Variants in CACNA1C observed in about 807,000 individuals in gnomAD.
CACNA1C encodes voltage-dependent L-type calcium channel subunit alpha-1C.
Under a neutral mutation model 229.0 loss-of-function variants are expected in CACNA1C, and 30 were observed. The observed-to-expected ratio is 0.13, with a 90% CI of 0.10 to 0.18. The LOEUF is 0.18. CACNA1C is among the 10% of genes least tolerant of loss of function. CACNA1C has a pLI of 1.00. For synonymous variants in CACNA1C, 1,114 were observed against 1,132.5 expected (o/e 0.98, Z 0.33); for missense variants, 1,658 against 2,845.0 (o/e 0.58, Z 9.49).
At chr12:2,435,756 C>T (rs1270112030) in intron 3 of CACNA1C, among the ~76,000 whole-genome samples, 1 of 152,200 alleles carries the variant, frequency 6.6e-6, no homozygotes, top group Non-Finnish European at 1.5e-5. Context: ...CCTCTAGTGC[C>T]CGGCACTATA....
chr12:2,302,660 T>C (rs1461648817), intron 3 of CACNA1C, among the ~76,000 whole-genome samples: 2 of 152,158 alleles, frequency 1.3e-5, no homozygotes, highest in African/African-American at 4.8e-5. Context: ...ATGTGCCCTG[T>C]CCTTAGAGGG....
rs1298438920 is a variant in CACNA1C at position 2,677,886 on chromosome 12, C to A, written c.5091+19C>A. On this transcript the variant is annotated intron_variant, in intron 41 of 46. Transcript: ENST00000399655. The surrounding 1 kb of genome is among the most constrained non-coding windows in gnomAD (Gnocchi z 7.4). The stretch of plus-strand genomic sequence containing the variant: ...CTTCAGGGTGGGTGGTGCCATGGCG[C>A]ACTCTCGACCCCTATAAAGTTCAGT... The A allele has an allele frequency of 6.2e-7, 1 of 1,613,436 alleles. No individual in the cohort carries two copies. The highest frequency in any genetic ancestry group is 1.3e-5 in the African/African-American group (1 of 75,040).
rs575282140 is a variant in CACNA1C, at chr12:2,029,545, T to G, written c.139+58344T>G. ...CACTAGGTGAACTTTAGTGTCTGGCTTCTTTCACTTAGCATAATGTTTTCG... is the reference window on the plus strand; with the variant it reads ...CACTAGGTGAACTTTAGTGTCTGGCGTCTTTCACTTAGCATAATGTTTTCG... On this transcript the variant is annotated intron_variant, in intron 1 of 46. Transcript: ENST00000682462. The surrounding 1 kb of genome is among the most constrained non-coding windows in gnomAD (Gnocchi z 4.9). Among the ~76,000 whole-genome samples the G allele has an allele frequency of 6.6e-5, 10 of 152,370 alleles. No homozygotes were observed. In the East Asian group the frequency reaches 1.9e-3, roughly 29 times the overall value.
At chr12:2,147,929 G>A (rs569489426) in intron 3 of CACNA1C, among the ~76,000 whole-genome samples, 1 of 151,328 alleles carries the variant, frequency 6.6e-6, no homozygotes, top group South Asian at 2.1e-4. Flanking sequence ...TATGCCATCA[G>A]TACATCTGGT....
chr12:2,257,296 G>A (rs1432474269), intron 3 of CACNA1C, among the ~76,000 whole-genome samples: 4 of 152,164 alleles, frequency 2.6e-5, no homozygotes, highest in South Asian at 2.1e-4. Flanking sequence ...CCTGGAGGAC[G>A]GGACCAGGCT....
rs183831974 is a variant in CACNA1C at position 2,272,521 on chromosome 12, C to A, written c.477+152091C>A. ...CAGCAGATATTCCAAAACTGAAAAC[C>A]TGTGGATTTGCCTGTAAATTTGCTA... On this transcript the variant is annotated intron_variant, in intron 3 of 46. Coordinates refer to ENST00000399655, the MANE Select transcript of CACNA1C (RefSeq NM_000719.7). Among the ~76,000 whole-genome samples, 8 of 152,308 alleles carry A rather than the reference C, an allele frequency of 5.3e-5. No individual in the cohort carries two copies. The East Asian group carries it at 1.5e-3, about 29-fold the overall frequency.
At chr12:2,671,293 A>G (rs1164932243) in intron 38 of CACNA1C, among the ~76,000 whole-genome samples, 2 of 152,218 alleles carry the variant, frequency 1.3e-5, no homozygotes, top group Non-Finnish European at 2.9e-5. Flanking sequence ...GATGACAGGC[A>G]TGAGCCACCG....
intron 3 of CACNA1C, among the ~76,000 whole-genome samples, chr12:2,388,347 G>A (rs1256734826): frequency 2.0e-5 from 3 of 152,194 alleles, no homozygotes. Context: ...TGACTATGAG[G>A]TGATGGATTA....
intron 3 of CACNA1C, among the ~76,000 whole-genome samples, chr12:2,303,666 G>A (rs1448531172): frequency 6.6e-6 from 1 of 152,176 alleles, no homozygotes; most frequent in Non-Finnish European, 1.5e-5. Flanking sequence ...GGTGCTAGGG[G>A]TGAGGGCTTT....
intron 3 of CACNA1C, among the ~76,000 whole-genome samples, chr12:2,408,535 T>A (rs2098765366): frequency 6.6e-6 from 1 of 151,288 alleles, no homozygotes; most frequent in South Asian, 2.1e-4. Flanking sequence ...TGTTTCTGGG[T>A]TCCCCAGGAA....
chr12:2,114,150 T>G (rs1362952140), intron 1 of CACNA1C, among the ~76,000 whole-genome samples: 1 of 152,242 alleles, frequency 6.6e-6, no homozygotes, highest in Non-Finnish European at 1.5e-5. Flanking sequence ...ATTCAAAAAG[T>G]TACTGATTTG....
intron 3 of CACNA1C, among the ~76,000 whole-genome samples, chr12:2,249,639 T>C (rs78661331): frequency 0.054 from 8,170 of 152,264 alleles, 272 homozygotes; most frequent in Admixed American, 0.098. Context: ...GAGGTGATGA[T>C]TGTTCCCTGT....
chr12:2,178,418 T>C (rs1194355073), intron 3 of CACNA1C, among the ~76,000 whole-genome samples: 2 of 152,336 alleles, frequency 1.3e-5, no homozygotes, highest in African/African-American at 4.8e-5. Flanking sequence ...GAGTTGATGC[T>C]GCATGTAGGA....
intron 29 of CACNA1C, among the ~76,000 whole-genome samples, chr12:2,619,955 T>C (rs1341953733): frequency 6.6e-6 from 1 of 152,116 alleles, no homozygotes; most frequent in Non-Finnish European, 1.5e-5. Context: ...CTAGGAAAAC[T>C]CCTGTCAGCT....
At chr12:2,622,478 C>T (rs933736736) in intron 29 of CACNA1C, among the ~76,000 whole-genome samples, 6 of 152,172 alleles carry the variant, frequency 3.9e-5, no homozygotes, top group Non-Finnish European at 7.3e-5. Context: ...TACTAGAAAT[C>T]CTTGCCCTGG....
At chr12:2,163,304 A>G (rs778925648) in intron 3 of CACNA1C, among the ~76,000 whole-genome samples, 5 of 151,894 alleles carry the variant, frequency 3.3e-5, no homozygotes, top group Non-Finnish European at 7.4e-5. Context: ...CAGCCTTGTG[A>G]CGTAGGCAGT....
chr12:2,315,576 G>A (rs546665801), intron 3 of CACNA1C, among the ~76,000 whole-genome samples: 1 of 152,288 alleles, frequency 6.6e-6, no homozygotes, highest in South Asian at 2.1e-4. Flanking sequence ...ACGAAGGCAG[G>A]TGTTGTACGC....
Position 2,654,838 on chromosome 12 carries a change from C to T in CACNA1C, c.4141-309C>T, listed in dbSNP as rs932675391. ...AGCAAAGAAAATAACGCAGTGCGTC[C>T]TGTGTCCTGTCAGAAGCAGGATCCC... On this transcript the variant is annotated intron_variant, in intron 33 of 46. Coordinates refer to ENST00000399655, the MANE Select transcript of CACNA1C (RefSeq NM_000719.7). This position sits in a 1 kb window ranked among gnomAD's most constrained non-coding sequence, Gnocchi z 4.4. 1.3e-5 allele frequency among the ~76,000 whole-genome samples: 2 copies of T among 152,238 alleles called. No homozygotes were observed. The highest frequency in any genetic ancestry group is 2.9e-5 in the Non-Finnish European group (2 of 68,034).
chr12:2,360,672 G>A (rs1291521997), intron 3 of CACNA1C, among the ~76,000 whole-genome samples: 2 of 152,208 alleles, frequency 1.3e-5, no homozygotes, highest in East Asian at 1.9e-4. Context: ...TCTCCCCGTT[G>A]CAGTTTCTTT....
Sources: allele counts gnomAD v4.1 joint callset (sites outside exome capture counted in the v4.1 genomes callset), GRCh38; gene constraint gnomAD v4.1.1; non-coding constraint Gnocchi (gnomAD v3.1); transcripts MANE v1.5; gene names NCBI Gene and HGNC (gene_info 2026-07-23, HGNC 2026-07-21).